The following PUM2 variants were observed in gnomAD, a reference collection of about 807,000 sequenced individuals.
PUM2 encodes pumilio RNA binding family member 2.
A neutral mutation model predicts 124.5 loss-of-function variants in PUM2; 57 were observed. The observed-to-expected ratio is 0.46, with a 90% CI of 0.37 to 0.57. The LOEUF is 0.57. Ranked by LOEUF, PUM2 falls within the 20% of genes least tolerant of loss-of-function variation. The probability of loss-of-function intolerance (pLI) is 0.00; values close to 1 mark genes in which losing one functional copy is unlikely to be tolerated. For synonymous variants in PUM2, 460 were observed against 446.1 expected (o/e 1.03, Z -0.39); for missense variants, 1,065 against 1,290.6 (o/e 0.83, Z 2.68).
At chr2:20,292,312 T>C (rs201094740) in intron 9 of PUM2, among the ~76,000 whole-genome samples, 1,922 of 150,114 alleles carry the variant, frequency 0.013, 26 homozygotes, top group Non-Finnish European at 0.019. Context: ...TTTTTTTTTT[T>C]CCCCAAAGAT....
chr2:20,307,079 G>A (rs1198220641), intron 7 of PUM2, among the ~76,000 whole-genome samples: 2 of 151,996 alleles, frequency 1.3e-5, no homozygotes, highest in Non-Finnish European at 2.9e-5. Flanking sequence ...AGCCAGATGT[G>A]GTGGCAGACG....
At chr2:20,350,867 G>A, upstream of PUM2, 1 of 869,938 alleles carries the variant, frequency 1.1e-6, no homozygotes, top group Non-Finnish European at 1.4e-6. Flanking sequence ...CCGGGCGCGC[G>A]CAGTGCACCC....
At chr2:20,281,558 C>T (rs904527935) in intron 12 of PUM2, among the ~76,000 whole-genome samples, 2 of 152,126 alleles carry the variant, frequency 1.3e-5, no homozygotes, top group Non-Finnish European at 2.9e-5. Context: ...ACTTGTTCTT[C>T]CAGTTTTCCT....
intron 14 of PUM2, among the ~76,000 whole-genome samples, chr2:20,261,639 T>C (rs914651362): frequency 1.1e-4 from 17 of 151,890 alleles, no homozygotes; most frequent in African/African-American, 3.9e-4. Context: ...CTGCTAAAGA[T>C]CTCCTAGTGG....
chr2:20,286,401 T>C (rs10184976), intron 10 of PUM2, among the ~76,000 whole-genome samples: 5,322 of 152,282 alleles, frequency 0.035, 89 homozygotes, highest in Middle Eastern at 0.068. Flanking sequence ...CTAAGAATTA[T>C]AAGAACAGAA....
rs191610454 is a variant in PUM2, at chr2:20,264,961, T to C, written c.1958-1501A>G. Among the ~76,000 whole-genome samples, 8 of 152,290 alleles carry C rather than the reference T, an allele frequency of 5.3e-5. No homozygotes were observed. In the East Asian group the frequency reaches 1.2e-3, roughly 22 times the overall value. On this transcript the variant is annotated intron_variant, in intron 13 of 20. Transcript: ENST00000361078. ...CTATTACATAGCATATTATGCATTA[T>C]TTATTTGAATCCCCAGCCCCATCTC... is the stretch of plus-strand genomic sequence containing the variant.
chr2:20,251,747 T>TA, intron 20 of PUM2, 31 bp from the exon 21 acceptor site: 1 of 1,604,050 alleles, frequency 6.2e-7, no homozygotes, highest in Non-Finnish European at 8.5e-7. Flanking sequence ...TTAGAAAATC[T>TA]AAGTCATTTT....
chr2:20,336,611 G>C (rs1324970899), intron 1 of PUM2, among the ~76,000 whole-genome samples: 3 of 151,728 alleles, frequency 2.0e-5, no homozygotes, highest in African/African-American at 7.3e-5. Flanking sequence ...TGACCTCCCA[G>C]GCTCAAGGGA....
At chr2:20,294,294 T>G in intron 9 of PUM2, 82 bp downstream of exon 9, 1 of 1,504,814 alleles carries the variant, frequency 6.6e-7, no homozygotes, top group South Asian at 1.3e-5. Flanking sequence ...GAAACGTAAG[T>G]CGAAAAACAC....
Position 20,258,234 on chromosome 2 carries a change from T to TA in PUM2, c.2484+8dup. ...ATAATACAAAAATTTTGTCTTAACTTACAATTACCTGCTGGTCAGAAGAAA... is the reference window on the plus strand; with the variant it reads ...ATAATACAAAAATTTTGTCTTAACTTAACAATTACCTGCTGGTCAGAAGAAA... On this transcript the variant is annotated intron_variant, in intron 16 of 20. Coordinates refer to ENST00000361078, the MANE Select transcript of PUM2 (RefSeq NM_015317.5). 6.3e-7 allele frequency: 1 copy of TA among 1,578,432 alleles called. No individual in the cohort carries two copies. The highest frequency in any genetic ancestry group is 8.6e-7 in the Non-Finnish European group (1 of 1,165,294).
At chr2:20,316,572 C>T (rs757645243) in intron 3 of PUM2, among the ~76,000 whole-genome samples, 18 of 151,292 alleles carry the variant, frequency 1.2e-4, no homozygotes, top group Non-Finnish European at 2.4e-4. Flanking sequence ...TAACTGGAAA[C>T]ATTTTAAAAT....
chr2:20,340,063 C>T (rs1455229787), intron 1 of PUM2, among the ~76,000 whole-genome samples: 1 of 150,898 alleles, frequency 6.6e-6, no homozygotes. Flanking sequence ...CTGTGATAAA[C>T]ATGATTTATA....
At chr2:20,347,805 T>G (rs914686810) in intron 1 of PUM2, among the ~76,000 whole-genome samples, 1 of 152,154 alleles carries the variant, frequency 6.6e-6, no homozygotes, top group African/African-American at 2.4e-5. Context: ...CAGTCACAAG[T>G]AGCACTGGAC....
At chr2:20,305,053 TG>T (rs1243401356) in intron 7 of PUM2, among the ~76,000 whole-genome samples, 1 of 152,208 alleles carries the variant, frequency 6.6e-6, no homozygotes, top group Non-Finnish European at 1.5e-5. Context: ...TGAGTTAAAA[TG>T]TGGGGTCAAT....
In PUM2 at chr2:20,251,465, T is replaced by C; in HGVS notation, c.*120A>G. 1 of 1,240,118 alleles carries C rather than the reference T, an allele frequency of 8.1e-7. No homozygotes were observed. Among genetic ancestry groups the C allele is most frequent in the Middle Eastern group, 2.0e-4 (1 of 4,990 alleles). 76.8% of individuals were successfully genotyped at this position (1,240,118 alleles called of 1,614,324 possible). A position where few individuals can be genotyped will look rare whatever the true frequency, so the allele number is the denominator to read the frequency against. On this transcript the variant is annotated 3_prime_UTR_variant, in exon 21 of 21. Coordinates refer to ENST00000361078, the MANE Select transcript of PUM2 (RefSeq NM_015317.5). ...TTTACAAATGGATGAATAAAGTCAA[T>C]AAATAGTTTTGCTTTAAAAAAAAAT...
intron 3 of PUM2, among the ~76,000 whole-genome samples, chr2:20,315,836 C>CAAAAAAAAAAAA (rs60828412): frequency 1.4e-5 from 1 of 72,348 alleles, no homozygotes; most frequent in Non-Finnish European, 2.6e-5. Flanking sequence ...AACCTGGTCT[C>CAAAAAAAAAAAA]AAAAAAAAAA....
At chr2:20,328,557 C>T (rs1161401844) in intron 1 of PUM2, among the ~76,000 whole-genome samples, 1 of 152,096 alleles carries the variant, frequency 6.6e-6, no homozygotes, top group African/African-American at 2.4e-5. Context: ...AAGCAACTAC[C>T]ATAGCTGTGT....
rs749155580 is a variant in PUM2 at position 20,263,478 on chromosome 2, T to TG, written c.1958-19dup. ...CAGTCCTCCTACAACAAAGCAGCTA[T>TG]GGTCAGCAAGTATTTTTGACAAAGT... On this transcript the variant is annotated intron_variant, in intron 13 of 20. Transcript: ENST00000361078. 5.7e-6 allele frequency: 9 copies of TG among 1,568,116 alleles called. No individual in the cohort carries two copies. In the East Asian group the frequency reaches 2.0e-4, roughly 36 times the overall value.
rs1671994053 is a variant in PUM2, at chr2:20,283,327, T to C, written c.1435+16A>G. On this transcript the variant is annotated intron_variant, in intron 11 of 20. Transcript: ENST00000361078. Reference sequence around the variant, plus strand: ...CACCAGAAAAATATTATCCTAAAAATGTCAGTTACACTTACCAGCTTGTGC... The same window carrying C: ...CACCAGAAAAATATTATCCTAAAAACGTCAGTTACACTTACCAGCTTGTGC... 6.2e-7 allele frequency: 1 copy of C among 1,612,248 alleles called. No individual in the cohort carries two copies. Among genetic ancestry groups the C allele is most frequent in the South Asian group, 1.1e-5 (1 of 90,936 alleles).
Sources: allele counts gnomAD v4.1 joint callset (sites outside exome capture counted in the v4.1 genomes callset), GRCh38; gene constraint gnomAD v4.1.1; transcripts MANE v1.5; gene names NCBI Gene and HGNC (gene_info 2026-07-23, HGNC 2026-07-21).